The following KIF5A variants were observed in gnomAD, a reference collection of about 807,000 sequenced individuals.
KIF5A encodes the protein kinesin family member 5A.
Under a neutral mutation model 141.3 loss-of-function variants are expected in KIF5A, and 35 were observed. The ratio of observed to expected loss-of-function variants is 0.25; its 90% CI spans 0.19 to 0.33. The LOEUF (loss-of-function observed/expected upper bound fraction) is 0.33. Ranked by LOEUF, KIF5A falls within the 10% of genes least tolerant of loss-of-function variation. The probability of loss-of-function intolerance (pLI) is 1.00; values close to 1 mark genes in which losing one functional copy is unlikely to be tolerated. For missense variants in KIF5A, 861 were observed against 1,314.3 expected (o/e 0.66, Z 5.33); for synonymous variants, 448 against 500.2 (o/e 0.90, Z 1.39).
rs192275770 is a variant in KIF5A, at chr12:57,563,084, G to A, written c.130-355G>A. 4.5e-4 allele frequency among the ~76,000 whole-genome samples: 67 copies of A among 150,240 alleles called. 2 individuals are homozygous for A. In the East Asian group the frequency reaches 0.011, roughly 25 times the overall value. The stretch of plus-strand genomic sequence containing the variant: ...TGCAGTGGCGCAATCTCGGCTCACT[G>A]CAACCTCTGCCTCTCGGGTTCAAGC... On this transcript the variant is annotated intron_variant, in intron 1 of 28. Transcript: ENST00000455537.
intron 1 of KIF5A, among the ~76,000 whole-genome samples, chr12:57,560,171 C>A (rs963098727): frequency 6.6e-6 from 1 of 152,142 alleles, no homozygotes; most frequent in Admixed American, 6.6e-5. Flanking sequence ...AGATTACAGG[C>A]GTGAGCCACC....
rs373795817 is a variant in KIF5A at position 57,569,065 on chromosome 12, A to T, written c.817A>T (p.Thr273Ser). 1 of 1,612,170 alleles carries T rather than the reference A, an allele frequency of 6.2e-7. No homozygotes were observed. Among genetic ancestry groups the T allele is most frequent in the Non-Finnish European group, 8.5e-7 (1 of 1,178,292 alleles). Reference sequence around the variant, plus strand: ...TGTGATCTCCGCACTGGCTGAGGGCACTGTGAGTGATCCTTAGGTCCCCTC... The same window carrying T: ...TGTGATCTCCGCACTGGCTGAGGGCTCTGTGAGTGATCCTTAGGTCCCCTC... Reference protein sequence around the residue: ...GNVISALAEGTKSYVPYRDSK... With the variant: ...GNVISALAEGSKSYVPYRDSK... The change falls in exon 9 of 29, where the codon ACT becomes TCT. Residue 273 changes from threonine to serine, a missense_variant and splice_region_variant. By Grantham distance (58) the Thr-to-Ser change is moderately conservative. Coordinates refer to ENST00000455537, the MANE Select transcript of KIF5A (RefSeq NM_004984.4).
At chr12:57,582,521 A>G (rs1882635888) in intron 26 of KIF5A, 81 bp from the exon 27 acceptor site, 1 of 1,033,716 alleles carries the variant, frequency 9.7e-7, no homozygotes, top group African/African-American at 1.6e-5. Flanking sequence ...AAGATGGGAG[A>G]GGGTTTGCGC....
chr12:57,570,925 T>G (rs1389496289), intron 12 of KIF5A, among the ~76,000 whole-genome samples: 1 of 151,100 alleles, frequency 6.6e-6, no homozygotes, highest in Non-Finnish European at 1.5e-5. Flanking sequence ...CTGAAAGAGC[T>G]GGGACTACAG....
chr12:57,571,507 A>G, intron 13 of KIF5A, 118 bp downstream of exon 13: 2 of 909,412 alleles, frequency 2.2e-6, no homozygotes, highest in South Asian at 2.9e-5. Flanking sequence ...GGGATTAATC[A>G]CTCCCCTAAA....
Position 57,576,128 on chromosome 12 carries a change from A to T in KIF5A, c.2065A>T (p.Thr689Ser). 1 of 1,614,160 alleles carries T rather than the reference A, an allele frequency of 6.2e-7. No individual in the cohort carries two copies. The highest frequency in any genetic ancestry group is 2.2e-5 in the East Asian group (1 of 44,882). The stretch of plus-strand genomic sequence containing the variant: ...GGCCCTGAAGGACAAGGAGCCTGAC[A>T]CTCAGGATGCAGATGAAGTGAAGGT... ...EVALKDKEPD[T>S]QDADEVKKAL... The change falls in exon 18 of 29, where the codon ACT (threonine) becomes TCT (serine). Residue 689 changes from threonine to serine, a missense_variant. Coordinates refer to ENST00000455537, the MANE Select transcript of KIF5A (RefSeq NM_004984.4).
intron 6 of KIF5A, among the ~76,000 whole-genome samples, chr12:57,565,301 A>T (rs1555177468): frequency 1.3e-5 from 2 of 151,958 alleles, no homozygotes; most frequent in Non-Finnish European, 2.9e-5. Flanking sequence ...CATGCTTGTA[A>T]TCCCAGCTAT....
chr12:57,566,235 T>C (rs2140160579), intron 6 of KIF5A, among the ~76,000 whole-genome samples: 1 of 148,482 alleles, frequency 6.7e-6, no homozygotes, highest in South Asian at 2.2e-4. Context: ...CTCCCAAGCA[T>C]ATGGGATTAT....
Position 57,550,468 on chromosome 12 carries a change from C to A in KIF5A, c.129+68C>A, listed in dbSNP as rs562433318. ...CTGAATCTCCCCGCCCCCCGCAGAG[C>A]CTTAGTCTCTGCTGGTCCCTTTGCT... On this transcript the variant is annotated intron_variant, in intron 1 of 28. Transcript: ENST00000455537. The surrounding 1 kb of genome is among the most constrained non-coding windows in gnomAD (Gnocchi z 4.6). 28 of 1,532,006 alleles carry A rather than the reference C, an allele frequency of 1.8e-5. No homozygotes were observed. The East Asian group carries it at 5.4e-4, about 30-fold the overall frequency. 94.9% of individuals were successfully genotyped at this position (1,532,006 alleles called of 1,614,324 possible).
chr12:57,573,997 G>A (rs527408514), intron 15 of KIF5A, among the ~76,000 whole-genome samples: 1 of 150,256 alleles, frequency 6.7e-6, no homozygotes, highest in East Asian at 2.0e-4. Context: ...GCAGGAGAAT[G>A]GCGTGAACCT....
chr12:57,580,580 C>T (rs539381521), intron 23 of KIF5A, among the ~76,000 whole-genome samples: 70 of 152,292 alleles, frequency 4.6e-4, no homozygotes, highest in Admixed American at 4.2e-3. Flanking sequence ...GGTCCCTCAT[C>T]CCCATGGCCG....
At chr12:57,563,257 A>G (rs138339448) in intron 1 of KIF5A, among the ~76,000 whole-genome samples, 182 bp from the exon 2 acceptor site, 7 of 152,038 alleles carry the variant, frequency 4.6e-5, no homozygotes, top group African/African-American at 1.4e-4. Flanking sequence ...CGCCTGCCTC[A>G]GCCTCTTAAA....
In KIF5A at chr12:57,576,075, T is replaced by A; in HGVS notation, c.2024-12T>A. ...AGGTTTGATGTCAGCTGTCTTCCCC[T>A]CTTTCCCTTAGAAACTGTGCATGAA... is the stretch of plus-strand genomic sequence containing the variant. On this transcript the variant is annotated splice_polypyrimidine_tract_variant and intron_variant, in intron 17 of 28. Coordinates refer to ENST00000455537, the MANE Select transcript of KIF5A (RefSeq NM_004984.4). 1 of 1,613,872 alleles carries A rather than the reference T, an allele frequency of 6.2e-7. No homozygotes were observed.
At chr12:57,564,773 C>A in intron 5 of KIF5A, 145 bp from the exon 6 acceptor site, 1 of 831,084 alleles carries the variant, frequency 1.2e-6, no homozygotes, top group Non-Finnish European at 2.0e-6. Flanking sequence ...GGAACTGAGC[C>A]TTCAGCTCGT....
Position 57,580,960 on chromosome 12 carries a change from T to C in KIF5A, c.2543T>C (p.Val848Ala), listed in dbSNP as rs757582532. ...EQLTKVHKQL[V>A]RDNADLRCEL... ...TCCCTTTGGCTTGCCCCATAGCTGG[T>C]ACGTGACAATGCAGATCTGCGTTGT... The change falls in exon 24 of 29, where the codon GTA becomes GCA. Residue 848 changes from valine to alanine, a missense_variant. Transcript: ENST00000455537. 2 of 1,613,898 alleles carry C rather than the reference T, an allele frequency of 1.2e-6. No individual in the cohort carries two copies. The highest frequency in any genetic ancestry group is 2.2e-5 in the South Asian group (2 of 91,046).
chr12:57,582,481 G>T, intron 26 of KIF5A, 121 bp from the exon 27 acceptor site: 1 of 829,298 alleles, frequency 1.2e-6, no homozygotes, highest in Non-Finnish European at 2.1e-6. Context: ...AGGAGAAAGT[G>T]TCACAGCTTA....
Position 57,581,108 on chromosome 12 carries a change from G to A in KIF5A, c.2691G>A (p.Val897=), listed in dbSNP as rs1301481664. 5 of 1,614,008 alleles carry A rather than the reference G, an allele frequency of 3.1e-6. No individual in the cohort carries two copies. The South Asian group carries it at 5.5e-5, about 18-fold the overall frequency. The stretch of plus-strand genomic sequence containing the variant: ...ACAAGCGCCGGTACCAGCAGGAGGT[G>A]GACCGCATCAAGGAGGCCGTTCGCT... ...MKDKRRYQQE[V]DRIKEAVRYK... is the part of the protein sequence containing the mutation. Residue 897 remains valine, a synonymous_variant, in exon 24 of 29, where the codon GTG becomes GTA. Coordinates refer to ENST00000455537, the MANE Select transcript of KIF5A (RefSeq NM_004984.4).
At chr12:57,571,252 C>G (rs1393703525) in intron 12 of KIF5A, 69 bp from the exon 13 acceptor site, 2 of 969,682 alleles carry the variant, frequency 2.1e-6, no homozygotes, top group African/African-American at 3.2e-5. Flanking sequence ...CCTCTACCCC[C>G]AAACTTCTTA....
intron 1 of KIF5A, among the ~76,000 whole-genome samples, chr12:57,560,438 T>A (rs1345820413): frequency 6.6e-6 from 1 of 152,186 alleles, no homozygotes; most frequent in Admixed American, 6.5e-5. Flanking sequence ...TGATTATGCA[T>A]TTTTGAATTG....
Sources: gnomAD v4.1 joint callset for allele counts (sites outside exome capture counted in the v4.1 genomes callset) on GRCh38, gnomAD v4.1.1 for gene constraint, Gnocchi (gnomAD v3.1) non-coding constraint, MANE v1.5 for transcripts, NCBI Gene and HGNC (gene_info 2026-07-23, HGNC 2026-07-21) for gene names.